KLHL29: variants seen among roughly 807,000 people sequenced by gnomAD.
KLHL29 encodes the protein kelch-like protein 29.
In KLHL29, 21 loss-of-function variants were observed where a neutral mutation model predicts 80.4. The ratio of observed to expected loss-of-function variants is 0.26; its 90% confidence interval spans 0.19 to 0.38. KLHL29 has a LOEUF of 0.38. KLHL29 is among the 10% of genes least tolerant of loss of function. KLHL29 has a pLI of 1.00. For missense variants in KLHL29, 867 were observed against 1,223.9 expected, an observed-to-expected ratio of 0.71 and a Z score of 4.35; for synonymous variants, 511 against 526.8, an observed-to-expected ratio of 0.97 and a Z score of 0.41.
At chr2:23,432,644 C>T (rs1006230132) in intron 1 of KLHL29, among the ~76,000 whole-genome samples, 1 of 152,218 alleles carries the variant, frequency 6.6e-6, no homozygotes, top group African/African-American at 2.4e-5. Context: ...CAGCGGAGCT[C>T]CTGTGACAGA....
chr2:23,394,986 G>A lies in KLHL29; in HGVS notation c.-154+9206G>A, dbSNP rs971977729. On this transcript the variant is annotated intron_variant, in intron 1 of 13. Transcript: ENST00000486442. ...GAACTGTGCTGACATATGCCAAATC[G>A]GTAACATCAATGGTTATTTCTGGAC... Among the ~76,000 whole-genome samples the A allele has an allele frequency of 3.1e-4, 47 of 152,308 alleles. 1 individual carries two copies. Among genetic ancestry groups the A allele is most frequent in the African/African-American group, 1.1e-3 (44 of 41,562 alleles).
At chr2:23,643,097 G>A in intron 5 of KLHL29, 1 of 650,460 alleles carries the variant, frequency 1.5e-6, no homozygotes, top group Non-Finnish European at 2.8e-6. Context: ...AGGAAGGAAG[G>A]GAGAGCCTGC....
intron 3 of KLHL29, among the ~76,000 whole-genome samples, chr2:23,567,103 G>A (rs149008279): frequency 2.6e-5 from 4 of 152,298 alleles, no homozygotes; most frequent in Admixed American, 6.5e-5. Context: ...GCAGAACTGC[G>A]ACTCCACTGC....
At chr2:23,516,542 T>C (rs1665934800) in intron 2 of KLHL29, among the ~76,000 whole-genome samples, 1 of 152,144 alleles carries the variant, frequency 6.6e-6, no homozygotes, top group Non-Finnish European at 1.5e-5. Context: ...TTTTGTGCCA[T>C]GGCGCAGCAA....
intron 1 of KLHL29, among the ~76,000 whole-genome samples, chr2:23,443,064 C>A (rs933967031): frequency 2.6e-5 from 4 of 152,104 alleles, no homozygotes; most frequent in African/African-American, 9.7e-5. Context: ...CTTTCCCTTC[C>A]CCAATTTTTA....
At chr2:23,510,497 G>A (rs1653769) in intron 2 of KLHL29, among the ~76,000 whole-genome samples, 116,688 of 152,134 alleles carry the variant, frequency 0.77, 44,969 homozygotes, top group Non-Finnish European at 0.81. Flanking sequence ...AGGCTTTGCT[G>A]TGGGTCTGTC....
At position 23,669,856 on chromosome 2, in the gene KLHL29, G is replaced by A. The variant is rs1473562651; in HGVS notation, c.941-14543G>A. Among the ~76,000 whole-genome samples the A allele has an allele frequency of 5.9e-5, 9 of 152,308 alleles. 1 individual carries two copies. Among genetic ancestry groups the A allele is most frequent in the African/African-American group, 2.2e-4 (9 of 41,568 alleles). On this transcript the variant is annotated intron_variant, in intron 5 of 13. Coordinates refer to ENST00000486442, the MANE Select transcript of KLHL29 (RefSeq NM_052920.2). This position sits in a 1 kb window ranked among gnomAD's most constrained non-coding sequence, Gnocchi z 4.3. ...TGTGTCCATTGGATTTGTAAAAACA[G>A]GGCCGTGGTATTATCACAGAATCTG...
chr2:23,633,868 A>G (rs1386414483), intron 3 of KLHL29, among the ~76,000 whole-genome samples: 1 of 151,834 alleles, frequency 6.6e-6, no homozygotes, highest in Non-Finnish European at 1.5e-5. Context: ...CGTGGCCTGC[A>G]TGTCCTCAGC....
chr2:23,637,537 G>A (rs1308760444), intron 3 of KLHL29, among the ~76,000 whole-genome samples: 3 of 152,206 alleles, frequency 2.0e-5, no homozygotes, highest in Non-Finnish European at 4.4e-5. Flanking sequence ...CAAAGCATCT[G>A]AAATGCAGGC....
intron 3 of KLHL29, among the ~76,000 whole-genome samples, chr2:23,577,456 G>C (rs908988169): frequency 6.6e-6 from 1 of 150,662 alleles, no homozygotes; most frequent in Non-Finnish European, 1.5e-5. Flanking sequence ...CTAAATAAAA[G>C]GGGGGTGGGG....
At chr2:23,528,265 G>A (rs1208438574) in intron 2 of KLHL29, among the ~76,000 whole-genome samples, 1 of 152,186 alleles carries the variant, frequency 6.6e-6, no homozygotes, top group Non-Finnish European at 1.5e-5. Flanking sequence ...GCACAGATGG[G>A]GCTCTGCTGA....
At chr2:23,555,312 G>A (rs1183265365) in intron 2 of KLHL29, among the ~76,000 whole-genome samples, 2 of 152,222 alleles carry the variant, frequency 1.3e-5, no homozygotes, top group African/African-American at 4.8e-5. Context: ...TGAGACATGA[G>A]GGTTCTAGGG....
At chr2:23,494,979 C>T (rs1665214988) in intron 2 of KLHL29, among the ~76,000 whole-genome samples, 1 of 152,218 alleles carries the variant, frequency 6.6e-6, no homozygotes, top group Non-Finnish European at 1.5e-5. Context: ...GCCCCAAGCA[C>T]CTGGGCCTTC....
At chr2:23,651,969 A>G (rs920967700) in intron 5 of KLHL29, among the ~76,000 whole-genome samples, 4 of 152,150 alleles carry the variant, frequency 2.6e-5, no homozygotes, top group African/African-American at 9.7e-5. Flanking sequence ...TCCAGATACA[A>G]TCACATTGGG....
chr2:23,617,802 G>C (rs1669059550), intron 3 of KLHL29: 1 of 152,182 alleles, frequency 6.6e-6, no homozygotes, highest in Non-Finnish European at 1.5e-5. Context: ...AAGATGTTTT[G>C]AATCTATTTT....
At chr2:23,640,791 G>A (rs1346669414) in intron 4 of KLHL29, among the ~76,000 whole-genome samples, 2 of 152,204 alleles carry the variant, frequency 1.3e-5, no homozygotes, top group Admixed American at 6.5e-5. Context: ...TTGGGCCTAC[G>A]GTCCCTCAGC....
At chr2:23,575,425 C>G (rs555065741) in intron 3 of KLHL29, among the ~76,000 whole-genome samples, 4 of 152,314 alleles carry the variant, frequency 2.6e-5, no homozygotes, top group Admixed American at 2.6e-4. Context: ...GCCAGCCAGC[C>G]AGGACCTAGG....
chr2:23,432,846 C>T (rs986462412), intron 1 of KLHL29, among the ~76,000 whole-genome samples: 1 of 152,180 alleles, frequency 6.6e-6, no homozygotes, highest in Non-Finnish European at 1.5e-5. Context: ...CCAGGTCACT[C>T]AGGTTTCCAT....
chr2:23,628,826 G>T (rs910020993), intron 3 of KLHL29, among the ~76,000 whole-genome samples: 20 of 152,088 alleles, frequency 1.3e-4, no homozygotes, highest in African/African-American at 4.8e-4. Flanking sequence ...AATAACAAAG[G>T]CTCCCAGAAA....
Sources: allele counts gnomAD v4.1 joint callset (sites outside exome capture counted in the v4.1 genomes callset), GRCh38; gene constraint gnomAD v4.1.1; non-coding constraint Gnocchi (gnomAD v3.1); transcripts MANE v1.5; gene names NCBI Gene and HGNC (gene_info 2026-07-23, HGNC 2026-07-21).